The following TENM4 variants were observed in gnomAD, a reference collection of about 807,000 sequenced individuals.
TENM4 encodes teneurin transmembrane protein 4.
TENM4 carries 82 observed loss-of-function variants against 243.3 expected under a neutral mutation model. The observed-to-expected ratio is 0.34, with a 90% confidence interval of 0.28 to 0.40. The LOEUF (loss-of-function observed/expected upper bound fraction) is 0.40, where lower values mean the gene tolerates loss of function less well. TENM4 is among the 10% of genes least tolerant of loss of function. TENM4 has a pLI of 1.00. For missense variants in TENM4, 3,138 were observed against 3,673.3 expected (o/e 0.85, Z 3.77); for synonymous variants, 1,412 against 1,456.3 (o/e 0.97, Z 0.69).
chr11:79,043,412 G>C (rs74907619), intron 6 of TENM4, among the ~76,000 whole-genome samples: 2,496 of 152,192 alleles, frequency 0.016, 72 homozygotes, highest in African/African-American at 0.058. Flanking sequence ...CAGCCAAAAA[G>C]GCTATTTGCT....
intron 9 of TENM4, among the ~76,000 whole-genome samples, chr11:78,881,740 C>T (rs963995316): frequency 1.1e-4 from 17 of 152,238 alleles, no homozygotes; most frequent in Non-Finnish European, 2.4e-4. Context: ...GGAGGCTCTG[C>T]AAACTGGAAA....
intron 26 of TENM4, among the ~76,000 whole-genome samples, chr11:78,710,227 G>A (rs533782589): frequency 9.8e-5 from 15 of 152,296 alleles, no homozygotes; most frequent in South Asian, 4.1e-4. Flanking sequence ...GATAAAACAG[G>A]GATTCTAACA....
intron 1 of TENM4, among the ~76,000 whole-genome samples, chr11:79,392,333 G>A (rs1858251919): frequency 6.6e-6 from 1 of 152,218 alleles, no homozygotes; most frequent in Non-Finnish European, 1.5e-5. Context: ...AGGGAGCAAG[G>A]GAAATGGAAC....
chr11:78,986,614 A>C (rs1857924740), intron 6 of TENM4, among the ~76,000 whole-genome samples: 1 of 152,152 alleles, frequency 6.6e-6, no homozygotes, highest in Non-Finnish European at 1.5e-5. Flanking sequence ...GTCCGCCTAG[A>C]GCGCAGTGGT....
At chr11:78,915,261 T>C (rs1216947184) in intron 6 of TENM4, among the ~76,000 whole-genome samples, 6 of 152,216 alleles carry the variant, frequency 3.9e-5, no homozygotes, top group Admixed American at 3.9e-4. Flanking sequence ...GGAAGCCTTC[T>C]CTGACCACTC....
chr11:78,787,084 CTG>C lies in TENM4; in HGVS notation c.2180-3_2180-2del. On this transcript the variant is annotated splice_acceptor_variant and splice_polypyrimidine_tract_variant and intron_variant, in intron 15 of 33. Transcript: ENST00000278550. LOFTEE classifies it high-confidence loss of function. Reference sequence around the variant, plus strand: ...CCACCACAGTCGGCAGCACAGATCTCTGTGGGGAGGAGCAGAAGAAGGGAGGA... The same window carrying C: ...CCACCACAGTCGGCAGCACAGATCTCTGGGGAGGAGCAGAAGAAGGGAGGA... The C allele has an allele frequency of 6.5e-7, 1 of 1,539,766 alleles. No homozygotes were observed. Among genetic ancestry groups the C allele is most frequent in the East Asian group, 2.5e-5 (1 of 40,646 alleles).
rs533832336 is a variant in TENM4, at chr11:79,339,047, T to C, written c.-320-41504A>G. ...TGCTCAAACCTCAAACACAACACAG[T>C]CACAAAGCTGGGGCTCTGAGTGCCA... On this transcript the variant is annotated intron_variant, in intron 1 of 33. Coordinates refer to ENST00000278550, the MANE Select transcript of TENM4 (RefSeq NM_001098816.3). Among the ~76,000 whole-genome samples, 126 of 152,266 alleles carry C rather than the reference T, an allele frequency of 8.3e-4. 7 individuals carry two copies. The South Asian group carries it at 0.014, about 17-fold the overall frequency.
chr11:78,718,612 A>C (rs1403346221), intron 25 of TENM4, among the ~76,000 whole-genome samples: 1 of 152,180 alleles, frequency 6.6e-6, no homozygotes, highest in Non-Finnish European at 1.5e-5. Context: ...TTCAACATTA[A>C]ATGCTAGGCT....
At chr11:78,814,220 C>G (rs1591043327) in intron 13 of TENM4, 74 bp downstream of exon 13, 1 of 1,419,204 alleles carries the variant, frequency 7.0e-7, no homozygotes, top group Non-Finnish European at 9.6e-7. Context: ...TCTGCACTTG[C>G]TCTGAGAAGT....
intron 1 of TENM4, among the ~76,000 whole-genome samples, chr11:79,409,845 C>A (rs1477602474): frequency 2.0e-5 from 3 of 152,148 alleles, no homozygotes; most frequent in African/African-American, 4.8e-5. Context: ...CCTGATGGAA[C>A]AATAGTCCAG....
intron 2 of TENM4, among the ~76,000 whole-genome samples, chr11:79,284,117 T>A (rs1037623242): frequency 1.3e-5 from 2 of 152,200 alleles, no homozygotes; most frequent in Admixed American, 1.3e-4. Flanking sequence ...ATTGTTTGGA[T>A]AAAAATATTC....
intron 15 of TENM4, among the ~76,000 whole-genome samples, chr11:78,792,948 A>G (rs756494187): frequency 6.6e-6 from 1 of 152,172 alleles, no homozygotes; most frequent in Non-Finnish European, 1.5e-5. Flanking sequence ...GGGGGTGAAC[A>G]CACGAGGAAG....
intron 19 of TENM4, among the ~76,000 whole-genome samples, chr11:78,743,966 G>C (rs1481157457): frequency 6.6e-6 from 1 of 152,128 alleles, no homozygotes; most frequent in African/African-American, 2.4e-5. Context: ...TGCCATTATT[G>C]ATTATGTAAA....
intron 12 of TENM4, among the ~76,000 whole-genome samples, chr11:78,827,024 C>T (rs1254144289): frequency 6.6e-6 from 1 of 152,136 alleles, no homozygotes; most frequent in Non-Finnish European, 1.5e-5. Flanking sequence ...TATGCTGTTG[C>T]CATATTCACA....
chr11:78,902,529 T>G (rs1855953243), intron 7 of TENM4, among the ~76,000 whole-genome samples: 1 of 151,908 alleles, frequency 6.6e-6, no homozygotes, highest in African/African-American at 2.4e-5. Context: ...GCAACCTGAG[T>G]TCAAGTTTCA....
At chr11:78,941,962 G>A (rs571830557) in intron 6 of TENM4, among the ~76,000 whole-genome samples, 2 of 152,218 alleles carry the variant, frequency 1.3e-5, no homozygotes, top group East Asian at 1.9e-4. Context: ...AGGACAGCAT[G>A]TAGTGCTGTG....
intron 3 of TENM4, among the ~76,000 whole-genome samples, chr11:79,158,592 A>C (rs1467317394): frequency 2.6e-5 from 4 of 152,234 alleles, no homozygotes; most frequent in Non-Finnish European, 2.9e-5. Flanking sequence ...TCATGAAGGA[A>C]TGGGGAAGGT....
chr11:79,202,647 G>T lies in TENM4; in HGVS notation c.-163+13161C>A, dbSNP rs188180221. Reference sequence around the variant, plus strand: ...ACCTGCCAGGTTGGGACAGTCCAGTGGTGGCCCCTGGGGACTCTGAGAGTC... The same window carrying T: ...ACCTGCCAGGTTGGGACAGTCCAGTTGTGGCCCCTGGGGACTCTGAGAGTC... On this transcript the variant is annotated intron_variant, in intron 3 of 33. Transcript: ENST00000278550. Among the ~76,000 whole-genome samples the T allele has an allele frequency of 9.2e-5, 14 of 152,288 alleles. No individual in the cohort carries two copies. The East Asian group carries it at 2.7e-3, about 29-fold the overall frequency.
chr11:79,264,708 T>C (rs1389759937), intron 2 of TENM4, among the ~76,000 whole-genome samples: 1 of 152,126 alleles, frequency 6.6e-6, no homozygotes, highest in Non-Finnish European at 1.5e-5. Flanking sequence ...AATCACAGGG[T>C]AGGACTTGTA....
Sources: allele counts gnomAD v4.1 joint callset (sites outside exome capture counted in the v4.1 genomes callset), GRCh38; gene constraint gnomAD v4.1.1; transcripts MANE v1.5; gene names NCBI Gene and HGNC (gene_info 2026-07-23, HGNC 2026-07-21).